The following EPHA6 variants were observed in gnomAD, a reference collection of about 807,000 sequenced individuals.
EPHA6 encodes EPH receptor A6.
A neutral mutation model predicts 112.0 loss-of-function variants in EPHA6; 50 were observed. The observed-to-expected ratio is 0.45, with a 90% CI of 0.36 to 0.56. The LOEUF (loss-of-function observed/expected upper bound fraction) is 0.56, where lower values mean the gene tolerates loss of function less well. EPHA6 is among the 20% of genes least tolerant of loss of function. EPHA6 has a pLI of 0.00. For missense variants in EPHA6, 1,280 were observed against 1,417.4 expected, an observed-to-expected ratio of 0.90 and a Z score of 1.56; for synonymous variants, 529 against 490.7, an observed-to-expected ratio of 1.08 and a Z score of -1.03.
At chr3:97,071,632 C>A (rs917702703) in intron 3 of EPHA6, among the ~76,000 whole-genome samples, 1 of 152,010 alleles carries the variant, frequency 6.6e-6, no homozygotes, top group Non-Finnish European at 1.5e-5. Context: ...GATTCAATTA[C>A]CTCTCCCTGG....
chr3:97,494,917 A>T (rs557112132), intron 10 of EPHA6, among the ~76,000 whole-genome samples: 2 of 152,280 alleles, frequency 1.3e-5, no homozygotes, highest in South Asian at 2.1e-4. Context: ...TGATGTCTAG[A>T]TACGTCATCA....
chr3:96,877,294 A>T (rs1365247932), intron 2 of EPHA6, among the ~76,000 whole-genome samples: 1 of 152,090 alleles, frequency 6.6e-6, no homozygotes, highest in Non-Finnish European at 1.5e-5. Flanking sequence ...TGTATTTTAG[A>T]CAATCCATTT....
intron 3 of EPHA6, among the ~76,000 whole-genome samples, chr3:97,166,806 A>G (rs886332523): frequency 2.0e-5 from 3 of 152,150 alleles, no homozygotes; most frequent in Non-Finnish European, 4.4e-5. Flanking sequence ...TGTCACCTTC[A>G]TGCCATACTT....
chr3:97,361,572 G>A (rs2084376332), intron 5 of EPHA6, among the ~76,000 whole-genome samples: 1 of 152,144 alleles, frequency 6.6e-6, no homozygotes, highest in Non-Finnish European at 1.5e-5. Context: ...GTTCATGAGG[G>A]CATTCCTGCT....
chr3:97,433,987 A>C (rs1410240933), intron 6 of EPHA6, among the ~76,000 whole-genome samples: 1 of 152,172 alleles, frequency 6.6e-6, no homozygotes, highest in African/African-American at 2.4e-5. Context: ...TTTTTATGTT[A>C]GACTAAGTAC....
chr3:97,082,082 A>G (rs2046740391), intron 3 of EPHA6, among the ~76,000 whole-genome samples: 2 of 151,800 alleles, frequency 1.3e-5, no homozygotes, highest in African/African-American at 4.8e-5. Context: ...TTTATCATGT[A>G]TAACATGTTG....
chr3:97,135,242 T>C (rs76301244), intron 3 of EPHA6, among the ~76,000 whole-genome samples: 1,990 of 152,272 alleles, frequency 0.013, 28 homozygotes, highest in African/African-American at 0.045. Context: ...AGAACTTGGC[T>C]TTTGAGTTAC....
intron 5 of EPHA6, among the ~76,000 whole-genome samples, chr3:97,401,098 AC>A (rs2086965857): frequency 6.6e-6 from 1 of 151,706 alleles, no homozygotes; most frequent in Non-Finnish European, 1.5e-5. Context: ...TTCCTTCTAT[AC>A]CTAATTTGTA....
At chr3:97,298,120 C>T (rs1037231486) in intron 5 of EPHA6, among the ~76,000 whole-genome samples, 1 of 152,098 alleles carries the variant, frequency 6.6e-6, no homozygotes, top group Non-Finnish European at 1.5e-5. Flanking sequence ...TTTCCAAATC[C>T]TTTGATAGAT....
chr3:97,555,880 C>T (rs2093101222), intron 11 of EPHA6, among the ~76,000 whole-genome samples: 1 of 152,012 alleles, frequency 6.6e-6, no homozygotes, highest in African/African-American at 2.4e-5. Context: ...TGTAGGTTGC[C>T]TGTTCACTCT....
At chr3:97,353,600 T>C (rs1400149225) in intron 5 of EPHA6, among the ~76,000 whole-genome samples, 1 of 152,042 alleles carries the variant, frequency 6.6e-6, no homozygotes, top group African/African-American at 2.4e-5. Flanking sequence ...CCAATGTAGC[T>C]GAACTAGAAT....
intron 11 of EPHA6, among the ~76,000 whole-genome samples, chr3:97,567,675 G>A (rs2093284916): frequency 6.6e-6 from 1 of 152,168 alleles, no homozygotes; most frequent in East Asian, 1.9e-4. Context: ...TAGAGATCGA[G>A]GCAGAGATTG....
chr3:97,466,517 G>C, intron 7 of EPHA6: 1 of 938,940 alleles, frequency 1.1e-6, no homozygotes, highest in South Asian at 1.3e-5. Flanking sequence ...TGTGAGGGTC[G>C]GGCCAAATCC....
chr3:97,735,565 GTTAT>G (rs2035218217), intron 15 of EPHA6, among the ~76,000 whole-genome samples: 1 of 151,976 alleles, frequency 6.6e-6, no homozygotes, highest in Non-Finnish European at 1.5e-5. Flanking sequence ...TTTGTTATAT[GTTAT>G]TTGCACTAAA....
At chr3:97,222,206 G>C (rs1307322315) in intron 3 of EPHA6, among the ~76,000 whole-genome samples, 1 of 152,118 alleles carries the variant, frequency 6.6e-6, no homozygotes, top group African/African-American at 2.4e-5. Context: ...GATATGATCT[G>C]AGAGTTATAT....
intron 3 of EPHA6, among the ~76,000 whole-genome samples, chr3:97,165,012 C>A (rs1011414645): frequency 7.9e-5 from 12 of 152,124 alleles, no homozygotes; most frequent in Admixed American, 5.2e-4. Flanking sequence ...ATGAAATACA[C>A]AGCTTAATAT....
intron 3 of EPHA6, among the ~76,000 whole-genome samples, chr3:97,165,443 CTTAA>C (rs2076519739): frequency 6.6e-6 from 1 of 152,028 alleles, no homozygotes; most frequent in Non-Finnish European, 1.5e-5. Flanking sequence ...TTAAAATTTA[CTTAA>C]TTGATATCAC....
intron 11 of EPHA6, among the ~76,000 whole-genome samples, chr3:97,584,842 T>C (rs376741443): frequency 6.6e-6 from 1 of 152,202 alleles, no homozygotes; most frequent in Non-Finnish European, 1.5e-5. Context: ...CCTCATGTGA[T>C]TCATGATAAA....
intron 5 of EPHA6, among the ~76,000 whole-genome samples, chr3:97,310,756 C>G (rs1270465601): frequency 6.6e-6 from 1 of 151,594 alleles, no homozygotes; most frequent in Non-Finnish European, 1.5e-5. Context: ...TTATTGGCAT[C>G]TAAAGTGTCC....
Sources: allele counts gnomAD v4.1 joint callset (sites outside exome capture counted in the v4.1 genomes callset), GRCh38; gene constraint gnomAD v4.1.1; transcripts MANE v1.5; gene names NCBI Gene and HGNC (gene_info 2026-07-23, HGNC 2026-07-21).